Variants in ANKH observed in about 807,000 individuals in gnomAD.
The protein encoded by ANKH is mineralization regulator ANKH.
A neutral mutation model predicts 49.0 loss-of-function variants in ANKH; 15 were observed. That is an observed-to-expected ratio of 0.31 (90% CI 0.20 to 0.47). The LOEUF is 0.47. Among genes scored for constraint, ANKH ranks in the 20% least tolerant of loss-of-function variants. The probability of loss-of-function intolerance (pLI) is 1.00; values close to 1 mark genes in which losing one functional copy is unlikely to be tolerated. For missense variants in ANKH, 429 were observed against 652.0 expected (o/e 0.66, Z 3.72); for synonymous variants, 273 against 260.0 (o/e 1.05, Z -0.48).
At chr5:14,843,159 G>A (rs79637027) in intron 1 of ANKH, among the ~76,000 whole-genome samples, 1,849 of 150,602 alleles carry the variant, frequency 0.012, 41 homozygotes, top group African/African-American at 0.043. Flanking sequence ...GACCTTTGCA[G>A]AGCCACCAGG....
intron 1 of ANKH, among the ~76,000 whole-genome samples, chr5:14,805,118 C>T (rs1740666271): frequency 6.6e-6 from 1 of 152,046 alleles, no homozygotes; most frequent in Non-Finnish European, 1.5e-5. Context: ...GGCAGACCCA[C>T]CCTTAATCTG....
intron 1 of ANKH, among the ~76,000 whole-genome samples, chr5:14,826,190 T>C (rs1741338557): frequency 6.6e-6 from 1 of 152,224 alleles, no homozygotes; most frequent in Admixed American, 6.5e-5. Context: ...TGTTTTTCCA[T>C]GCACATGTGT....
chr5:14,776,550 C>G (rs1372978893), intron 1 of ANKH, among the ~76,000 whole-genome samples: 1 of 152,150 alleles, frequency 6.6e-6, no homozygotes, highest in Non-Finnish European at 1.5e-5. Flanking sequence ...GTCATGCCAG[C>G]GTTGTGACAG....
chr5:14,824,816 C>A (rs1221080256), intron 1 of ANKH, among the ~76,000 whole-genome samples: 1 of 152,152 alleles, frequency 6.6e-6, no homozygotes, highest in Non-Finnish European at 1.5e-5. Context: ...TAGCCTCCCA[C>A]CTCCAACAGC....
chr5:14,782,140 G>A (rs762181054), intron 1 of ANKH, among the ~76,000 whole-genome samples: 6 of 152,074 alleles, frequency 3.9e-5, no homozygotes, highest in Non-Finnish European at 8.8e-5. Context: ...TTCCATGGAC[G>A]TTTATAAGTG....
At chr5:14,863,135 A>C (rs1735550444) in intron 1 of ANKH, among the ~76,000 whole-genome samples, 1 of 152,216 alleles carries the variant, frequency 6.6e-6, no homozygotes, top group Non-Finnish European at 1.5e-5. Context: ...CAGTTACTGA[A>C]ACCAGTAGCA....
At chr5:14,846,969 C>T (rs1259934511) in intron 1 of ANKH, among the ~76,000 whole-genome samples, 2 of 140,904 alleles carry the variant, frequency 1.4e-5, no homozygotes, top group African/African-American at 5.2e-5. Flanking sequence ...GATCATGCCA[C>T]TGCGGTCCAG....
At chr5:14,861,782 T>G (rs1422845214) in intron 1 of ANKH, among the ~76,000 whole-genome samples, 1 of 151,922 alleles carries the variant, frequency 6.6e-6, no homozygotes, top group Non-Finnish European at 1.5e-5. Flanking sequence ...CAAAACATCC[T>G]CCCCCGAACT....
chr5:14,771,921 G>GAAAAAAAAAAAAAAA (rs869185652), intron 1 of ANKH, among the ~76,000 whole-genome samples: 4 of 53,382 alleles, frequency 7.5e-5, no homozygotes, highest in South Asian at 9.3e-4. Context: ...CTCAAAAAAA[G>GAAAAAAAAAAAAAAA]AAAAAAAAAA....
At chr5:14,796,136 T>A (rs1740366406) in intron 1 of ANKH, among the ~76,000 whole-genome samples, 1 of 151,666 alleles carries the variant, frequency 6.6e-6, no homozygotes, top group African/African-American at 2.4e-5. Context: ...CCTTGTTTTA[T>A]TGAGCTTCAT....
chr5:14,720,135 T>C (rs1341386970), intron 8 of ANKH, among the ~76,000 whole-genome samples: 1 of 152,202 alleles, frequency 6.6e-6, no homozygotes, highest in East Asian at 1.9e-4. Context: ...GGAGATCTAT[T>C]ATAAATATGT....
chr5:14,824,579 C>T (rs1741287351), intron 1 of ANKH, among the ~76,000 whole-genome samples: 1 of 152,090 alleles, frequency 6.6e-6, no homozygotes, highest in Non-Finnish European at 1.5e-5. Context: ...AAGTAATTTC[C>T]AAACAGTACC....
chr5:14,865,728 T>C (rs554181750), intron 1 of ANKH, among the ~76,000 whole-genome samples: 1 of 152,336 alleles, frequency 6.6e-6, no homozygotes, highest in South Asian at 2.1e-4. Context: ...ATGAAATACT[T>C]TTGTTATACT....
rs958779023 is a variant in ANKH, at chr5:14,725,564, G to A, written c.1012-8729C>T. Reference sequence around the variant, plus strand: ...TTGCATAAACCGCTTTTCCAGCACCGGCACACCAAATGTGATCCACGGATG... The same window carrying A: ...TTGCATAAACCGCTTTTCCAGCACCAGCACACCAAATGTGATCCACGGATG... On this transcript the variant is annotated intron_variant, in intron 8 of 11. Transcript: ENST00000284268. This position sits in a 1 kb window ranked among gnomAD's most constrained non-coding sequence, Gnocchi z 4.0. Among the ~76,000 whole-genome samples, 1 of 152,152 alleles carries A rather than the reference G, an allele frequency of 6.6e-6. No individual in the cohort carries two copies. Among genetic ancestry groups the A allele is most frequent in the Non-Finnish European group, 1.5e-5 (1 of 68,030 alleles).
rs1737022618 is a variant in ANKH at position 14,708,386 on chromosome 5, G to A, written c.*2811C>T. On this transcript the variant is annotated 3_prime_UTR_variant, in exon 12 of 12. Transcript: ENST00000284268. ...GGTCTTTCCCTGGTCTTTGACATGA[G>A]AATCTCACAGGCATGGTAACTTTCT... is the stretch of plus-strand genomic sequence containing the variant. 2 of 152,304 alleles carry A rather than the reference G, an allele frequency of 1.3e-5. No homozygotes were observed. Among genetic ancestry groups the A allele is most frequent in the Middle Eastern group, 3.4e-3 (1 of 294 alleles). The allele number at this position is 152,304 out of a possible 1,614,324, so 9.4% of individuals were successfully genotyped here.
chr5:14,721,658 G>A (rs1022617881), intron 8 of ANKH, among the ~76,000 whole-genome samples: 13 of 152,282 alleles, frequency 8.5e-5, no homozygotes, highest in East Asian at 3.9e-4. Context: ...TGAGCTGGGC[G>A]TGGTGGCTCA....
intron 2 of ANKH, among the ~76,000 whole-genome samples, chr5:14,764,507 T>A (rs1176219509): frequency 3.9e-5 from 6 of 152,156 alleles, no homozygotes; most frequent in South Asian, 4.1e-4. Flanking sequence ...CTCCTGGCCC[T>A]CAGCTGACCA....
chr5:14,765,343 G>T (rs1255874555), intron 2 of ANKH, among the ~76,000 whole-genome samples: 2 of 152,190 alleles, frequency 1.3e-5, no homozygotes, highest in African/African-American at 4.8e-5. Flanking sequence ...CTCTTGTCCA[G>T]TGGATCTTCT....
chr5:14,861,119 A>G (rs1375664764), intron 1 of ANKH, among the ~76,000 whole-genome samples: 1 of 152,162 alleles, frequency 6.6e-6, no homozygotes, highest in Non-Finnish European at 1.5e-5. Flanking sequence ...TGAAAAGCTT[A>G]CTAATGTGGA....
Sources: gnomAD v4.1 joint callset for allele counts (sites outside exome capture counted in the v4.1 genomes callset) on GRCh38, gnomAD v4.1.1 for gene constraint, Gnocchi (gnomAD v3.1) non-coding constraint, MANE v1.5 for transcripts, NCBI Gene and HGNC (gene_info 2026-07-23, HGNC 2026-07-21) for gene names.